The following FRMPD4 variants were observed in gnomAD, a reference collection of about 807,000 sequenced individuals.
FRMPD4 encodes the protein FERM and PDZ domain containing 4.
In FRMPD4, 22 loss-of-function variants were observed where a neutral mutation model predicts 94.1. The ratio of observed to expected loss-of-function variants is 0.23; its 90% confidence interval spans 0.17 to 0.33. FRMPD4 has a LOEUF of 0.33. FRMPD4 is among the 10% of genes least tolerant of loss of function. FRMPD4 has a pLI of 1.00. For missense variants in FRMPD4, 1,111 were observed against 1,339.9 expected (o/e 0.83, Z 2.67); for synonymous variants, 631 against 548.6 (o/e 1.15, Z -2.10).
rs187477830 is a variant in FRMPD4, at chrX:12,594,451, T to A, written c.159-15270T>A. 2.6e-3 allele frequency among the ~76,000 whole-genome samples: 285 copies of A among 107,666 alleles called. 2 individuals carry two copies. The highest frequency in any genetic ancestry group is 9.9e-3 in the African/African-American group (273 of 27,651). 93.5% of individuals were successfully genotyped at this position (107,666 alleles called of 115,157 possible). A position where few individuals can be genotyped will look rare whatever the true frequency, so the allele number is the denominator to read the frequency against. Reference sequence around the variant, plus strand: ...TATTTATTTATTTATTTATTTATTTTTTGAGATGGAGTCTCACTCTGTCAC... The same window carrying A: ...TATTTATTTATTTATTTATTTATTTATTGAGATGGAGTCTCACTCTGTCAC... On this transcript the variant is annotated intron_variant, in intron 2 of 16. Transcript: ENST00000675598.
chrX:12,586,237 C>T (rs901505572), intron 2 of FRMPD4, among the ~76,000 whole-genome samples: 1 of 112,856 alleles, frequency 8.9e-6, no homozygotes, highest in Admixed American at 9.3e-5. Context: ...AGCTAAAACG[C>T]ACATGGAAGT....
chrX:12,644,938 C>T (rs1173708423), intron 4 of FRMPD4, among the ~76,000 whole-genome samples: 1 of 111,803 alleles, frequency 8.9e-6, no homozygotes, highest in Non-Finnish European at 1.9e-5. Context: ...TGCAAACTGA[C>T]TACTTAACCT....
intron 1 of FRMPD4, among the ~76,000 whole-genome samples, chrX:12,172,561 G>T (rs370857004): frequency 8.9e-6 from 1 of 112,075 alleles, no homozygotes; most frequent in Admixed American, 9.5e-5. Flanking sequence ...CAGCAGGTCT[G>T]GGGTGGGTCC....
At chrX:12,474,605 G>T (rs1026897513) in intron 1 of FRMPD4, among the ~76,000 whole-genome samples, 1 of 111,229 alleles carries the variant, frequency 9.0e-6, no homozygotes, top group South Asian at 3.8e-4. Context: ...TCAAATAGAC[G>T]CAATAAATAA....
At chrX:12,092,404 C>G (rs2055161101) in intron 3 of FRMPD4, among the ~76,000 whole-genome samples, 1 of 111,993 alleles carries the variant, frequency 8.9e-6, no homozygotes, top group Non-Finnish European at 1.9e-5. Context: ...ATGGTCAACC[C>G]CATGCCTTCC....
chrX:11,908,906 C>T (rs764363871), intron 3 of FRMPD4, among the ~76,000 whole-genome samples: 278 of 111,871 alleles, frequency 2.5e-3, no homozygotes, highest in Non-Finnish European at 4.4e-3. Flanking sequence ...CTAGAATAAA[C>T]CCTACTCTGT....
At chrX:12,542,516 G>A (rs942548386) in intron 2 of FRMPD4, among the ~76,000 whole-genome samples, 11 of 111,748 alleles carry the variant, frequency 9.8e-5, no homozygotes, top group African/African-American at 2.9e-4. Flanking sequence ...ACCTAGGAAG[G>A]AATTCAACTT....
At chrX:12,352,137 G>A (rs975045635) in intron 1 of FRMPD4, among the ~76,000 whole-genome samples, 5 of 111,897 alleles carry the variant, frequency 4.5e-5, no homozygotes, top group African/African-American at 1.3e-4. Context: ...AATTCCAATT[G>A]CATTTCCACC....
At chrX:12,644,151 C>A (rs1450683216) in intron 4 of FRMPD4, among the ~76,000 whole-genome samples, 3 of 110,655 alleles carry the variant, frequency 2.7e-5, no homozygotes, top group Non-Finnish European at 5.7e-5. Context: ...CTCACTGCAA[C>A]CTCCAACTCC....
intron 2 of FRMPD4, among the ~76,000 whole-genome samples, chrX:12,551,300 C>G (rs1441414296): frequency 2.7e-5 from 3 of 110,750 alleles, no homozygotes; most frequent in African/African-American, 9.8e-5. Flanking sequence ...TCTCTCCTAC[C>G]TATACTACTT....
intron 1 of FRMPD4, among the ~76,000 whole-genome samples, chrX:12,394,960 C>G (rs2056524278): frequency 9.0e-6 from 1 of 111,556 alleles, no homozygotes; most frequent in Non-Finnish European, 1.9e-5. Context: ...TCAGGCAGGC[C>G]ACGTGCTCCC....
intron 1 of FRMPD4, among the ~76,000 whole-genome samples, chrX:12,153,113 T>A (rs772780747): frequency 7.2e-5 from 8 of 110,472 alleles, no homozygotes; most frequent in African/African-American, 1.3e-4. Context: ...TTTTTTTGTA[T>A]TTTTAGTAGA....
chrX:12,133,978 C>T (rs927751726), upstream of FRMPD4, among the ~76,000 whole-genome samples: 7 of 112,388 alleles, frequency 6.2e-5, no homozygotes, highest in Non-Finnish European at 1.3e-4. Flanking sequence ...CTCACTCTCA[C>T]TTCATTTAAC....
chrX:12,050,510 C>T lies in FRMPD4; in HGVS notation c.95+172492C>T, dbSNP rs4830754. ...GCACAATAATGAAATCCCCTAATGACACATTTCTCAGAATGTTTCCCTGTT... is the reference window on the plus strand; with the variant it reads ...GCACAATAATGAAATCCCCTAATGATACATTTCTCAGAATGTTTCCCTGTT... On this transcript the variant is annotated intron_variant, in intron 3 of 18. Coordinates refer to the FRMPD4 transcript ENST00000640291. Among the ~76,000 whole-genome samples the T allele has an allele frequency of 7.4e-3, 823 of 111,682 alleles. 22 individuals are homozygous for T. The Admixed American group carries it at 0.074, about 10-fold the overall frequency.
chrX:12,546,643 G>C (rs1267924766), intron 2 of FRMPD4, among the ~76,000 whole-genome samples: 1 of 111,826 alleles, frequency 8.9e-6, no homozygotes, highest in Non-Finnish European at 1.9e-5. Flanking sequence ...CAACCTATAA[G>C]AGGTACCTGG....
At chrX:12,361,581 T>C (rs1179858326) in intron 1 of FRMPD4, among the ~76,000 whole-genome samples, 1 of 112,490 alleles carries the variant, frequency 8.9e-6, no homozygotes, top group Non-Finnish European at 1.9e-5. Flanking sequence ...TAGATGCAAC[T>C]TGCTAGATGC....
intron 1 of FRMPD4, among the ~76,000 whole-genome samples, chrX:12,225,886 G>A (rs2056916682): frequency 8.9e-6 from 1 of 111,915 alleles, no homozygotes. Context: ...AATTAAACAT[G>A]CTTGAGCCCA....
At chrX:12,540,632 A>G (rs1008931890) in intron 2 of FRMPD4, among the ~76,000 whole-genome samples, 8 of 111,685 alleles carry the variant, frequency 7.2e-5, no homozygotes, top group African/African-American at 2.6e-4. Context: ...CTCCCACACA[A>G]TAATAATGGG....
chrX:11,899,995 C>T (rs1367389178), intron 3 of FRMPD4, among the ~76,000 whole-genome samples: 1 of 111,949 alleles, frequency 8.9e-6, no homozygotes, highest in Non-Finnish European at 1.9e-5. Flanking sequence ...TTTCCACAGC[C>T]CCTTCTGGAG....
Sources: allele counts gnomAD v4.1 joint callset (sites outside exome capture counted in the v4.1 genomes callset), GRCh38; gene constraint gnomAD v4.1.1; transcripts MANE v1.5; gene names NCBI Gene and HGNC (gene_info 2026-07-23, HGNC 2026-07-21).